Variants in DSCAM observed in about 807,000 individuals in gnomAD.
DSCAM encodes DS cell adhesion molecule.
Under a neutral mutation model 217.7 loss-of-function variants are expected in DSCAM, and 47 were observed. The observed-to-expected ratio is 0.22, with a 90% CI of 0.17 to 0.28. DSCAM has a LOEUF of 0.28. Among genes scored for constraint, DSCAM ranks in the 10% least tolerant of loss-of-function variants. The pLI is 1.00. For missense variants in DSCAM, 2,080 were observed against 2,618.3 expected, an observed-to-expected ratio of 0.79 and a Z score of 4.49; for synonymous variants, 1,056 against 1,015.3, an observed-to-expected ratio of 1.04 and a Z score of -0.76.
intron 21 of DSCAM, among the ~76,000 whole-genome samples, chr21:40,093,099 A>C (rs2089631508): frequency 6.6e-6 from 1 of 152,178 alleles, no homozygotes; most frequent in Admixed American, 6.5e-5. Flanking sequence ...CTTATTATGA[A>C]TGCTAATTTA....
At chr21:40,408,775 A>G (rs2075299424) in intron 3 of DSCAM, among the ~76,000 whole-genome samples, 1 of 152,196 alleles carries the variant, frequency 6.6e-6, no homozygotes, top group African/African-American at 2.4e-5. Context: ...GTTCACTCAC[A>G]TGTGCAGTGC....
intron 3 of DSCAM, among the ~76,000 whole-genome samples, chr21:40,379,696 T>TG (rs2075001086): frequency 6.6e-6 from 1 of 152,194 alleles, no homozygotes; most frequent in South Asian, 2.1e-4. Flanking sequence ...GGGATCCTCT[T>TG]GTTTGCCCCA....
At chr21:40,041,792 T>G (rs1460673413) in intron 32 of DSCAM, among the ~76,000 whole-genome samples, 1 of 152,130 alleles carries the variant, frequency 6.6e-6, no homozygotes, top group Non-Finnish European at 1.5e-5. Context: ...TAGTAAGACC[T>G]CTCCCCTTTC....
intron 1 of DSCAM, among the ~76,000 whole-genome samples, chr21:40,709,224 G>A (rs1179041181): frequency 6.6e-6 from 1 of 152,190 alleles, no homozygotes; most frequent in Non-Finnish European, 1.5e-5. Context: ...AGCTGAATGT[G>A]TGAATGCCTA....
chr21:40,170,298 C>T (rs2090642508), intron 15 of DSCAM, among the ~76,000 whole-genome samples: 1 of 152,194 alleles, frequency 6.6e-6, no homozygotes, highest in African/African-American at 2.4e-5. Flanking sequence ...TCTGTCTTTG[C>T]ATGTCTCTGG....
chr21:40,045,115 C>T (rs1182690123), intron 30 of DSCAM, among the ~76,000 whole-genome samples: 1 of 152,212 alleles, frequency 6.6e-6, no homozygotes, highest in Non-Finnish European at 1.5e-5. Context: ...GCTACAGCTG[C>T]AAGCAAATAC....
chr21:40,014,069 G>A (rs536277501), intron 32 of DSCAM, among the ~76,000 whole-genome samples: 1 of 152,326 alleles, frequency 6.6e-6, no homozygotes, highest in African/African-American at 2.4e-5. Flanking sequence ...GTGGTGCCAC[G>A]CAAACATAAC....
intron 3 of DSCAM, among the ~76,000 whole-genome samples, chr21:40,649,900 C>G (rs376520896): frequency 1.3e-5 from 2 of 152,166 alleles, no homozygotes; most frequent in South Asian, 2.1e-4. Context: ...GAGAGAGAGA[C>G]AGAGTAGAGT....
At chr21:40,033,416 C>T (rs2088569023) in intron 32 of DSCAM, among the ~76,000 whole-genome samples, 1 of 152,158 alleles carries the variant, frequency 6.6e-6, no homozygotes, top group African/African-American at 2.4e-5. Flanking sequence ...GGGTGACGGA[C>T]GGCACCTGGA....
chr21:40,094,347 TAGAG>T (rs1327813987), intron 20 of DSCAM, among the ~76,000 whole-genome samples: 1 of 152,132 alleles, frequency 6.6e-6, no homozygotes, highest in Non-Finnish European at 1.5e-5. Flanking sequence ...TCTGATAAAA[TAGAG>T]AGCTCCACCT....
intron 3 of DSCAM, among the ~76,000 whole-genome samples, chr21:40,386,500 C>T (rs1250270158): frequency 2.0e-5 from 3 of 152,222 alleles, no homozygotes; most frequent in African/African-American, 4.8e-5. Context: ...GTGCCCCCTG[C>T]TGGTCAGACC....
chr21:40,392,538 T>C (rs2075143328), intron 3 of DSCAM, among the ~76,000 whole-genome samples: 1 of 152,226 alleles, frequency 6.6e-6, no homozygotes, highest in Non-Finnish European at 1.5e-5. Context: ...GAATTTATTG[T>C]AAGTATCCTT....
intron 27 of DSCAM, among the ~76,000 whole-genome samples, chr21:40,073,577 G>A (rs73221364): frequency 0.068 from 10,416 of 152,208 alleles, 483 homozygotes; most frequent in East Asian, 0.1. Flanking sequence ...TGTATTATAC[G>A]CTTGTAGTTC....
intron 18 of DSCAM, among the ~76,000 whole-genome samples, chr21:40,140,291 C>A (rs976482503): frequency 6.6e-6 from 1 of 152,112 alleles, no homozygotes; most frequent in African/African-American, 2.4e-5. Flanking sequence ...TGATTTTAAT[C>A]CCATGAGTGA....
intron 1 of DSCAM, among the ~76,000 whole-genome samples, chr21:40,740,504 T>C (rs762503543): frequency 1.3e-5 from 2 of 152,220 alleles, no homozygotes; most frequent in Non-Finnish European, 2.9e-5. Context: ...AAAACTTCCA[T>C]GGAGCATCAA....
chr21:40,091,096 G>C (rs537180018), intron 21 of DSCAM, among the ~76,000 whole-genome samples: 1 of 152,228 alleles, frequency 6.6e-6, no homozygotes, highest in South Asian at 2.1e-4. Flanking sequence ...CATTTAATTA[G>C]GATGTCTATA....
intron 11 of DSCAM, among the ~76,000 whole-genome samples, chr21:40,270,142 C>T (rs1292354154): frequency 2.6e-5 from 4 of 152,184 alleles, no homozygotes; most frequent in South Asian, 2.1e-4. Flanking sequence ...CTACCAAGGG[C>T]GTGGCAGCTG....
chr21:40,094,199 C>T (rs991391863), intron 20 of DSCAM, among the ~76,000 whole-genome samples: 15 of 152,066 alleles, frequency 9.9e-5, no homozygotes, highest in African/African-American at 3.6e-4. Flanking sequence ...GGAACACACA[C>T]CATCCATAAA....
intron 11 of DSCAM, among the ~76,000 whole-genome samples, chr21:40,216,147 C>A (rs1022453278): frequency 6.6e-6 from 1 of 152,038 alleles, no homozygotes; most frequent in Non-Finnish European, 1.5e-5. Context: ...TCTCTGTCAC[C>A]CAGGCTGGTG....
Sources: allele counts gnomAD v4.1 joint callset (sites outside exome capture counted in the v4.1 genomes callset), GRCh38; gene constraint gnomAD v4.1.1; transcripts MANE v1.5; gene names NCBI Gene and HGNC (gene_info 2026-07-23, HGNC 2026-07-21).